The following ZNF75D variants were observed in gnomAD, a reference collection of about 807,000 sequenced individuals.
ZNF75D encodes the protein zinc finger protein 75.
A neutral mutation model predicts 33.3 loss-of-function variants in ZNF75D; 33 were observed. That is an observed-to-expected ratio of 0.99 (90% confidence interval 0.75 to 1.32). The LOEUF (loss-of-function observed/expected upper bound fraction) is 1.32, where lower values mean the gene tolerates loss of function less well. Ranked by LOEUF, ZNF75D falls within the 40% of genes most tolerant of loss-of-function variation. The pLI is 0.00. For missense variants in ZNF75D, 338 were observed against 367.5 expected (o/e 0.92, Z 0.66); for synonymous variants, 113 against 130.6 (o/e 0.87, Z 0.92).
intron 1 of ZNF75D, among the ~76,000 whole-genome samples, chrX:135,258,949 C>T (rs1033473318): frequency 4.5e-5 from 5 of 111,788 alleles, no homozygotes; most frequent in Non-Finnish European, 9.4e-5. Flanking sequence ...AAGTCTTTAA[C>T]CCATCTTGAA....
At chrX:135,336,992 C>T (rs914006281) in intron 1 of ZNF75D, among the ~76,000 whole-genome samples, 1 of 111,719 alleles carries the variant, frequency 9.0e-6, no homozygotes, top group Non-Finnish European at 1.9e-5. Context: ...TGCAGAGGCA[C>T]GATTGGAACT....
chrX:135,291,169 G>T (rs782680312), intron 5 of ZNF75D, 34 bp from the exon 6 acceptor site: 1 of 1,204,610 alleles, frequency 8.3e-7, no homozygotes, highest in Non-Finnish European at 1.1e-6. Context: ...TTTAGTACTT[G>T]CCACTTCAGA....
At chrX:135,300,831 A>C (rs1475493648) in intron 1 of ZNF75D, among the ~76,000 whole-genome samples, 5 of 111,326 alleles carry the variant, frequency 4.5e-5, no homozygotes, top group Non-Finnish European at 7.5e-5. Context: ...CCTGCAGGAG[A>C]GAAGTGCAGC....
rs1272340621 is a variant in ZNF75D at position 135,249,628 on chromosome X, T to A, written n.1297-327A>T. ...TCCTTCACATTTTTTTGGAATATAATTTCATCCGATCTTCCAGTTACACAC... is the reference window on the plus strand; with the variant it reads ...TCCTTCACATTTTTTTGGAATATAAATTCATCCGATCTTCCAGTTACACAC... On this transcript the variant is annotated intron_variant and non_coding_transcript_variant, in intron 3 of 3. Transcript: ENST00000494295. 1.1e-4 allele frequency among the ~76,000 whole-genome samples: 11 copies of A among 104,195 alleles called. 1 individual carries two copies. Among genetic ancestry groups the A allele is most frequent in the Non-Finnish European group, 2.0e-4 (10 of 50,373 alleles). The allele number at this position is 104,195 out of a possible 115,157, so 90.5% of individuals were successfully genotyped here. A position where few individuals can be genotyped will look rare whatever the true frequency, so the allele number is the denominator to read the frequency against.
intron 1 of ZNF75D, among the ~76,000 whole-genome samples, chrX:135,324,890 C>T (rs948274592): frequency 1.4e-4 from 16 of 111,717 alleles, no homozygotes; most frequent in African/African-American, 5.2e-4. Flanking sequence ...AATGGAATGT[C>T]CTTTCCTGAG....
intron 1 of ZNF75D, among the ~76,000 whole-genome samples, chrX:135,303,538 T>G (rs1374055534): frequency 8.9e-6 from 1 of 112,412 alleles, no homozygotes; most frequent in Non-Finnish European, 1.9e-5. Context: ...AACCCTGAGT[T>G]GACACAGCAC....
intron 1 of ZNF75D, chrX:135,309,596 C>T (rs977525005): frequency 3.4e-6 from 1 of 297,126 alleles, no homozygotes; most frequent in African/African-American, 2.7e-5. Context: ...TTTTAATCAA[C>T]AGACAACTGG....
chrX:135,319,124 T>C, intron 1 of ZNF75D, among the ~76,000 whole-genome samples: 1 of 111,948 alleles, frequency 8.9e-6, no homozygotes, highest in Non-Finnish European at 1.9e-5. Context: ...TTTTTCCTGA[T>C]AATTTGGAGT....
intron 1 of ZNF75D, among the ~76,000 whole-genome samples, chrX:135,260,695 T>C (rs2083836551): frequency 8.9e-6 from 1 of 112,242 alleles, no homozygotes; most frequent in Admixed American, 9.4e-5. Context: ...TCTTTTCTTC[T>C]TTATTAGTCT....
At chrX:135,269,128 A>C (rs1259877538) in intron 1 of ZNF75D, among the ~76,000 whole-genome samples, 1 of 112,542 alleles carries the variant, frequency 8.9e-6, no homozygotes. Context: ...TAAACTTAAG[A>C]CCTCAAACTT....
chrX:135,287,899 A>G, intron 6 of ZNF75D, 53 bp from the exon 7 acceptor site: 1 of 942,246 alleles, frequency 1.1e-6, no homozygotes, highest in Non-Finnish European at 1.5e-6. Flanking sequence ...AAAGAAAGCT[A>G]CATAAATGGA....
chrX:135,287,755 C>CT lies in ZNF75D; in HGVS notation c.914dup (p.Thr306AspfsTer17), dbSNP rs1556420146. ...TTTTCTGGGCAATTTTCATTCTGGTCTTTTTTGATACTTCGCATCCTGATG... is the reference window on the plus strand; with the variant it reads ...TTTTCTGGGCAATTTTCATTCTGGTCTTTTTTTGATACTTCGCATCCTGATG... On this transcript the variant is annotated frameshift_variant, in exon 7 of 7. Transcript: ENST00000370766. LOFTEE classifies it high-confidence loss of function. The CT allele has an allele frequency of 1.1e-5, 13 of 1,211,139 alleles. No homozygotes were observed. The highest frequency in any genetic ancestry group is 1.5e-5 in the Non-Finnish European group (13 of 895,017).
intron 1 of ZNF75D, among the ~76,000 whole-genome samples, chrX:135,337,660 G>A (rs1476206416): frequency 2.7e-5 from 3 of 111,033 alleles, no homozygotes; most frequent in African/African-American, 9.8e-5. Context: ...GAGTGCATTA[G>A]GTAAATGGTG....
intron 1 of ZNF75D, among the ~76,000 whole-genome samples, chrX:135,316,658 C>A (rs1472413294): frequency 9.0e-6 from 1 of 110,788 alleles, no homozygotes; most frequent in Admixed American, 9.6e-5. Flanking sequence ...TTTATGGTGT[C>A]CCATATATCA....
chrX:135,336,967 A>G (rs1167881503), intron 1 of ZNF75D, among the ~76,000 whole-genome samples: 1 of 111,929 alleles, frequency 8.9e-6, no homozygotes, highest in African/African-American at 3.3e-5. Flanking sequence ...TCCCAAGGAC[A>G]CACAGCTAGT....
At chrX:135,281,182 C>A (rs946419446), downstream of ZNF75D, among the ~76,000 whole-genome samples, 7 of 109,566 alleles carry the variant, frequency 6.4e-5, no homozygotes, top group Admixed American at 2.0e-4. Context: ...AGGCTTTGTT[C>A]CTTTTCATTC....
At chrX:135,278,046 T>G (rs929225995) in intron 1 of ZNF75D, among the ~76,000 whole-genome samples, 1 of 112,076 alleles carries the variant, frequency 8.9e-6, no homozygotes, top group Admixed American at 9.4e-5. Context: ...GGTAGCTTGA[T>G]GAGGATAGCA....
intron 1 of ZNF75D, among the ~76,000 whole-genome samples, chrX:135,323,070 T>C (rs1556435522): frequency 1.8e-5 from 2 of 112,334 alleles, no homozygotes; most frequent in Non-Finnish European, 3.8e-5. Context: ...TTCTGTTGTA[T>C]ATAGTATTTT....
intron 1 of ZNF75D, among the ~76,000 whole-genome samples, chrX:135,274,848 T>C (rs1422280556): frequency 8.9e-6 from 1 of 112,229 alleles, no homozygotes; most frequent in Non-Finnish European, 1.9e-5. Flanking sequence ...AATCATGTAT[T>C]GTTCTTATCT....
Sources: allele counts gnomAD v4.1 joint callset (sites outside exome capture counted in the v4.1 genomes callset), GRCh38; gene constraint gnomAD v4.1.1; transcripts MANE v1.5; gene names NCBI Gene and HGNC (gene_info 2026-07-23, HGNC 2026-07-21).